Variants in CFAP20DC observed in about 807,000 individuals in gnomAD.
The protein encoded by CFAP20DC is CFAP20 domain containing.
CFAP20DC carries 84 observed loss-of-function variants against 101.7 expected under a neutral mutation model. The ratio of observed to expected loss-of-function variants is 0.83; its 90% CI spans 0.69 to 0.99. The LOEUF is 0.99. CFAP20DC is among the 50% of genes least tolerant of loss of function. The pLI is 0.00. For missense variants in CFAP20DC, 1,007 were observed against 970.3 expected, an observed-to-expected ratio of 1.04 and a Z score of -0.50; for synonymous variants, 359 against 351.2, an observed-to-expected ratio of 1.02 and a Z score of -0.25.
chr3:58,953,232 T>C (rs1419371531), intron 4 of CFAP20DC, among the ~76,000 whole-genome samples: 2 of 152,156 alleles, frequency 1.3e-5, no homozygotes, highest in Non-Finnish European at 1.5e-5. Flanking sequence ...AAAAGAAAGA[T>C]TCACTCCTCT....
intron 4 of CFAP20DC, among the ~76,000 whole-genome samples, chr3:58,951,458 G>A (rs1432732000): frequency 3.3e-5 from 5 of 152,162 alleles, no homozygotes; most frequent in East Asian, 3.8e-4. Context: ...ACATGCACAC[G>A]TATGTTTATT....
chr3:58,887,928 A>C (rs948952547), intron 6 of CFAP20DC, among the ~76,000 whole-genome samples: 2 of 152,236 alleles, frequency 1.3e-5, no homozygotes, highest in African/African-American at 4.8e-5. Context: ...CTGAGATTTC[A>C]TGGTGGAATA....
chr3:58,903,755 A>G lies in CFAP20DC; in HGVS notation c.550+9953T>C, dbSNP rs113200231. Among the ~76,000 whole-genome samples, 456 of 152,264 alleles carry G rather than the reference A, an allele frequency of 3.0e-3. 2 individuals are homozygous for G. The highest frequency in any genetic ancestry group is 0.01 in the African/African-American group (426 of 41,548). ...CCTCTCACCGGGTCTCTCCCACCAC[A>G]ACACATGGGGATTACGAGAACTACA... On this transcript the variant is annotated intron_variant, in intron 6 of 16. Coordinates refer to ENST00000482387, the MANE Select transcript of CFAP20DC (RefSeq NM_001394063.1).
At chr3:58,751,124 T>C (rs1382868252) in intron 16 of CFAP20DC, among the ~76,000 whole-genome samples, 1 of 152,148 alleles carries the variant, frequency 6.6e-6, no homozygotes, top group Admixed American at 6.6e-5. Flanking sequence ...AATGAGAACA[T>C]AGAGAATCTA....
intron 4 of CFAP20DC, among the ~76,000 whole-genome samples, chr3:59,009,108 G>A (rs977813434): frequency 1.3e-5 from 2 of 152,002 alleles, no homozygotes; most frequent in Admixed American, 1.3e-4. Context: ...ATCAAATTAG[G>A]CTAAAATAAA....
At position 58,906,825 on chromosome 3, in the gene CFAP20DC, G is replaced by T. The variant is rs558866754; in HGVS notation, c.550+6883C>A. On this transcript the variant is annotated intron_variant, in intron 6 of 16. Coordinates refer to ENST00000482387, the MANE Select transcript of CFAP20DC (RefSeq NM_001394063.1). Reference sequence around the variant, plus strand: ...CACCTGTAGTCCCAGCTCATCAGGAGGCTGAGGCAGGAGGATAGCTTGAGC... The same window carrying T: ...CACCTGTAGTCCCAGCTCATCAGGATGCTGAGGCAGGAGGATAGCTTGAGC... 2.0e-5 allele frequency among the ~76,000 whole-genome samples: 3 copies of T among 152,246 alleles called. No homozygotes were observed. The East Asian group carries it at 5.8e-4, about 30-fold the overall frequency.
At chr3:58,817,394 A>G (rs2075276376) in intron 14 of CFAP20DC, among the ~76,000 whole-genome samples, 1 of 151,136 alleles carries the variant, frequency 6.6e-6, no homozygotes, top group African/African-American at 2.4e-5. Context: ...AACTTCGAAA[A>G]AAATTTAGAA....
chr3:59,049,699 C>T lies in CFAP20DC; in HGVS notation c.-68G>A, dbSNP rs77297879. The T allele has an allele frequency of 6.6e-7, 1 of 1,520,126 alleles. No individual in the cohort carries two copies. The highest frequency in any genetic ancestry group is 2.0e-5 in the Admixed American group (1 of 49,368). 94.2% of individuals were successfully genotyped at this position (1,520,126 alleles called of 1,614,324 possible). ...TTTCCAGCGAGTGGCGTGACCCTGACGGCTGGAAATCGGCTGGCGGGAACC... is the reference window on the plus strand; with the variant it reads ...TTTCCAGCGAGTGGCGTGACCCTGATGGCTGGAAATCGGCTGGCGGGAACC... On this transcript the variant is annotated 5_prime_UTR_variant, in exon 1 of 17. Transcript: ENST00000482387.
At chr3:58,939,243 C>G (rs1168296451) in intron 4 of CFAP20DC, among the ~76,000 whole-genome samples, 6 of 151,952 alleles carry the variant, frequency 3.9e-5, no homozygotes, top group Admixed American at 3.9e-4. Context: ...TAATGGGGTA[C>G]AGGATCAAAT....
At chr3:58,845,172 C>T (rs1272243733) in intron 13 of CFAP20DC, among the ~76,000 whole-genome samples, 1 of 150,900 alleles carries the variant, frequency 6.6e-6, no homozygotes, top group Non-Finnish European at 1.5e-5. Flanking sequence ...CAGAGCAGAA[C>T]TGAAGGAAAT....
At chr3:58,782,213 G>A (rs957359558) in intron 15 of CFAP20DC, among the ~76,000 whole-genome samples, 4 of 151,888 alleles carry the variant, frequency 2.6e-5, no homozygotes, top group African/African-American at 7.2e-5. Flanking sequence ...AGATGCAGAA[G>A]TAGCATTTGA....
intron 15 of CFAP20DC, among the ~76,000 whole-genome samples, chr3:58,768,561 CTA>C (rs2107471157): frequency 6.6e-6 from 1 of 152,306 alleles, no homozygotes; most frequent in East Asian, 1.9e-4. Context: ...TTATCCTAGT[CTA>C]TGTTTCTAGC....
chr3:58,926,744 A>C (rs893536622), intron 5 of CFAP20DC, among the ~76,000 whole-genome samples: 1 of 152,234 alleles, frequency 6.6e-6, no homozygotes, highest in African/African-American at 2.4e-5. Flanking sequence ...CTGTGGTTCA[A>C]GATGGAATAG....
rs961418045 is a variant in CFAP20DC at position 58,722,417 on chromosome 3, C to G, written c.198-4789G>C. ...TAACTGGGACGCATGTTAAAGGAGC[C>G]ATGATAGGCAATTTTGCCCAGAGCA... On this transcript the variant is annotated intron_variant, in intron 3 of 3. Coordinates refer to the CFAP20DC transcript ENST00000486145. This position sits in a 1 kb window ranked among gnomAD's most constrained non-coding sequence, Gnocchi z 4.5. Among the ~76,000 whole-genome samples the G allele has an allele frequency of 6.6e-6, 1 of 152,132 alleles. No individual in the cohort carries two copies. Among genetic ancestry groups the G allele is most frequent in the African/African-American group, 2.4e-5 (1 of 41,420 alleles).
intron 4 of CFAP20DC, among the ~76,000 whole-genome samples, chr3:58,979,867 A>G (rs2108484245): frequency 6.6e-6 from 1 of 152,110 alleles, no homozygotes; most frequent in Non-Finnish European, 1.5e-5. Context: ...ATTTGAAGGA[A>G]ACTTTATGTC....
At chr3:59,031,341 AG>A (rs1425349700) in intron 4 of CFAP20DC, among the ~76,000 whole-genome samples, 5 of 152,208 alleles carry the variant, frequency 3.3e-5, no homozygotes, top group Admixed American at 3.3e-4. Context: ...GGAGATAAGA[AG>A]AATAACTGGG....
chr3:58,817,754 G>A (rs2075305863), intron 14 of CFAP20DC, among the ~76,000 whole-genome samples: 2 of 151,886 alleles, frequency 1.3e-5, no homozygotes, highest in Admixed American at 6.6e-5. Context: ...AATCTAGAAA[G>A]GCAGGCCAAC....
chr3:58,789,952 G>C (rs757341676), intron 15 of CFAP20DC, among the ~76,000 whole-genome samples: 1 of 152,104 alleles, frequency 6.6e-6, no homozygotes, highest in African/African-American at 2.4e-5. Flanking sequence ...AAGGTAGAAA[G>C]ATACAGAAAT....
intron 4 of CFAP20DC, among the ~76,000 whole-genome samples, chr3:59,013,525 G>A (rs1424154299): frequency 6.6e-6 from 1 of 152,062 alleles, no homozygotes; most frequent in Non-Finnish European, 1.5e-5. Context: ...CACACAGAAA[G>A]GCTTTTGGGA....
Sources: allele counts gnomAD v4.1 joint callset (sites outside exome capture counted in the v4.1 genomes callset), GRCh38; gene constraint gnomAD v4.1.1; non-coding constraint Gnocchi (gnomAD v3.1); transcripts MANE v1.5; gene names NCBI Gene and HGNC (gene_info 2026-07-23, HGNC 2026-07-21).